PHKB: variants seen among roughly 807,000 people sequenced by gnomAD.
The protein encoded by PHKB is phosphorylase kinase regulatory subunit beta.
In PHKB, 122 loss-of-function variants were observed where a neutral mutation model predicts 152.1. That is an observed-to-expected ratio of 0.80 (90% CI 0.69 to 0.93). The LOEUF is 0.93. PHKB is among the 40% of genes least tolerant of loss of function. The probability of loss-of-function intolerance (pLI) is 0.00; values close to 1 mark genes in which losing one functional copy is unlikely to be tolerated. For synonymous variants in PHKB, 436 were observed against 464.9 expected (o/e 0.94, Z 0.80); for missense variants, 1,304 against 1,328.4 (o/e 0.98, Z 0.29).
At chr16:47,565,032 A>G in intron 7 of PHKB, 1 of 383,348 alleles carries the variant, frequency 2.6e-6, no homozygotes, top group East Asian at 6.3e-5. Flanking sequence ...TTTGCTCTCT[A>G]ATGTTCCAGG....
chr16:47,677,678 C>T (rs1254418647), intron 26 of PHKB, among the ~76,000 whole-genome samples: 2 of 152,126 alleles, frequency 1.3e-5, no homozygotes, highest in Non-Finnish European at 2.9e-5. Flanking sequence ...GATACCATCA[C>T]ACTGGAGTTA....
chr16:47,544,423 C>T (rs1017924566), intron 6 of PHKB, among the ~76,000 whole-genome samples: 2 of 152,108 alleles, frequency 1.3e-5, no homozygotes, highest in African/African-American at 4.8e-5. Flanking sequence ...GATCCTGAGT[C>T]ATAAGTTGAT....
At chr16:47,521,884 C>T (rs1024875907) in intron 6 of PHKB, among the ~76,000 whole-genome samples, 9 of 151,908 alleles carry the variant, frequency 5.9e-5, no homozygotes, top group African/African-American at 2.2e-4. Context: ...TTATTTTGAA[C>T]CCATCTAAAA....
intron 14 of PHKB, among the ~76,000 whole-genome samples, chr16:47,640,651 A>AT (rs528573030): frequency 3.2e-4 from 47 of 149,104 alleles, no homozygotes; most frequent in South Asian, 8.5e-4. Flanking sequence ...TTTAACTATC[A>AT]TTTTTTTTTT....
At chr16:47,599,054 C>T (rs969708308) in intron 13 of PHKB, 1 of 624,958 alleles carries the variant, frequency 1.6e-6, no homozygotes, top group Non-Finnish European at 2.8e-6. Context: ...TTAGAATCAA[C>T]CCAAGTTGGG....
At chr16:47,493,715 A>G (rs904542357) in intron 1 of PHKB, among the ~76,000 whole-genome samples, 1 of 152,258 alleles carries the variant, frequency 6.6e-6, no homozygotes, top group African/African-American at 2.4e-5. Context: ...TTGGTCACTC[A>G]AGAACATTTT....
intron 6 of PHKB, among the ~76,000 whole-genome samples, chr16:47,533,209 C>T (rs1039733895): frequency 3.9e-5 from 6 of 152,280 alleles, no homozygotes; most frequent in Non-Finnish European, 7.4e-5. Flanking sequence ...CTAGTCATCC[C>T]GATGCCTGCT....
intron 14 of PHKB, among the ~76,000 whole-genome samples, chr16:47,612,183 T>C (rs1972441235): frequency 3.3e-5 from 5 of 152,238 alleles, no homozygotes; most frequent in Admixed American, 6.5e-5. Context: ...CAACTTCATA[T>C]TACCAGTGCT....
intron 2 of PHKB, among the ~76,000 whole-genome samples, chr16:47,497,915 A>C (rs1431771089): frequency 1.3e-5 from 2 of 152,178 alleles, no homozygotes; most frequent in African/African-American, 4.8e-5. Flanking sequence ...AGTATTATTA[A>C]TATCAGGGCG....
chr16:47,668,985 A>G lies in PHKB; in HGVS notation c.2428-230A>G, dbSNP rs567822917. On this transcript the variant is annotated intron_variant, in intron 25 of 30. Coordinates refer to ENST00000323584, the MANE Select transcript of PHKB (RefSeq NM_000293.3). The stretch of plus-strand genomic sequence containing the variant: ...CACTCACCTCCACTCCCCTAACTGG[A>G]ACCCTCACCTGCCCTTATATTTTAG... Among the ~76,000 whole-genome samples, 31 of 152,202 alleles carry G rather than the reference A, an allele frequency of 2.0e-4. No individual in the cohort carries two copies. The South Asian group carries it at 6.2e-3, about 31-fold the overall frequency.
intron 4 of PHKB, among the ~76,000 whole-genome samples, chr16:47,508,460 T>C (rs1970456925): frequency 6.6e-6 from 1 of 152,198 alleles, no homozygotes; most frequent in South Asian, 2.1e-4. Context: ...TTTTAAATGC[T>C]AGTTTCTAAT....
At chr16:47,677,555 G>GGA (rs1209519922) in intron 26 of PHKB, among the ~76,000 whole-genome samples, 1 of 151,952 alleles carries the variant, frequency 6.6e-6, no homozygotes, top group African/African-American at 2.4e-5. Context: ...GTCCTCTGAT[G>GGA]GAGAGAGAGA....
At chr16:47,609,502 T>C (rs925542864) in intron 13 of PHKB, among the ~76,000 whole-genome samples, 15 of 151,704 alleles carry the variant, frequency 9.9e-5, no homozygotes, top group African/African-American at 3.6e-4. Context: ...TTGGTAGAAT[T>C]CACCAGTGAC....
chr16:47,496,125 A>G (rs1403690864), intron 1 of PHKB, among the ~76,000 whole-genome samples: 2 of 151,984 alleles, frequency 1.3e-5, no homozygotes, highest in East Asian at 3.9e-4. Flanking sequence ...AATCTGTGCC[A>G]ATGTGATTTC....
intron 14 of PHKB, among the ~76,000 whole-genome samples, chr16:47,622,385 C>T (rs1972632487): frequency 6.6e-6 from 1 of 152,144 alleles, no homozygotes; most frequent in Admixed American, 6.5e-5. Flanking sequence ...TTGCCCCCTT[C>T]TAAAACAAAG....
At chr16:47,638,324 C>T (rs774982475) in intron 14 of PHKB, among the ~76,000 whole-genome samples, 5 of 152,128 alleles carry the variant, frequency 3.3e-5, no homozygotes, top group South Asian at 2.1e-4. Context: ...AGAGGGGAGC[C>T]GCTGTCCAAG....
intron 4 of PHKB, among the ~76,000 whole-genome samples, chr16:47,509,121 A>G (rs1488240334): frequency 6.6e-6 from 1 of 152,214 alleles, no homozygotes; most frequent in Non-Finnish European, 1.5e-5. Flanking sequence ...TCAAGTGGTT[A>G]AAATGTGTTT....
chr16:47,568,682 G>A (rs541576990), intron 7 of PHKB, among the ~76,000 whole-genome samples: 120 of 152,134 alleles, frequency 7.9e-4, no homozygotes, highest in Non-Finnish European at 1.5e-3. Context: ...TTCTCATAGC[G>A]CTGCTTTTGC....
At chr16:47,495,306 A>G (rs1458091730) in intron 1 of PHKB, among the ~76,000 whole-genome samples, 1 of 151,970 alleles carries the variant, frequency 6.6e-6, no homozygotes, top group Admixed American at 6.6e-5. Flanking sequence ...TGGTATAAAT[A>G]TCATCAAAAC....
Sources: allele counts gnomAD v4.1 joint callset (sites outside exome capture counted in the v4.1 genomes callset), GRCh38; gene constraint gnomAD v4.1.1; transcripts MANE v1.5; gene names NCBI Gene and HGNC (gene_info 2026-07-23, HGNC 2026-07-21).